The following DDX51 variants were observed in gnomAD, a reference collection of about 807,000 sequenced individuals.
DDX51 encodes DEAD-box helicase 51, also known as ATP-dependent RNA helicase DDX51.
A neutral mutation model predicts 74.6 loss-of-function variants in DDX51; 67 were observed. The observed-to-expected ratio is 0.90, with a 90% CI of 0.74 to 1.10. The LOEUF is 1.10. DDX51 is among the 50% of genes least tolerant of loss of function. The pLI is 0.00. For missense variants in DDX51, 1,056 were observed against 905.2 expected, an observed-to-expected ratio of 1.17 and a Z score of -2.14; for synonymous variants, 545 against 402.9, an observed-to-expected ratio of 1.35 and a Z score of -4.22.
At position 132,142,413 on chromosome 12, in the gene DDX51, G is replaced by C; in HGVS notation, c.680C>G (p.Ala227Gly). 5 of 1,612,142 alleles carry C rather than the reference G, an allele frequency of 3.1e-6. No individual in the cohort carries two copies. Among genetic ancestry groups the C allele is most frequent in the Non-Finnish European group, 4.2e-6 (5 of 1,179,974 alleles). ...GCTCTCCAGGAGGGCAGGAATCACAGCTGCCTGGACTGGATGAGGAAAGGC... is the reference window on the plus strand; with the variant it reads ...GCTCTCCAGGAGGGCAGGAATCACACCTGCCTGGACTGGATGAGGAAAGGC... ...GISSYFPVQA[A>G]VIPALLESAA... Residue 227 changes from alanine to glycine, a missense_variant, in exon 4 of 15, where the codon GCT becomes GGT. Physicochemically the swap from Ala to Gly is moderately conservative, Grantham distance 60. Transcript: ENST00000397333.
At chr12:132,143,164 C>A (rs1444927500) in intron 2 of DDX51, 1 of 468,514 alleles carries the variant, frequency 2.1e-6, no homozygotes, top group African/African-American at 2.0e-5. Context: ...CCCAGCCACG[C>A]CGGCGTCCCT....
In DDX51 at chr12:132,137,680, C is replaced by T. The variant is rs1223241653; in HGVS notation, c.*1592G>A. On this transcript the variant is annotated 3_prime_UTR_variant, in exon 15 of 15. Coordinates refer to ENST00000397333, the MANE Select transcript of DDX51 (RefSeq NM_175066.4). Reference sequence around the variant, plus strand: ...CCGGGTGTGGCCGTGGCCTGCGTCTCCCTGGCGGTTAGTGATGTTGGCATC... The same window carrying T: ...CCGGGTGTGGCCGTGGCCTGCGTCTTCCTGGCGGTTAGTGATGTTGGCATC... 2 of 152,240 alleles carry T rather than the reference C, an allele frequency of 1.3e-5. No homozygotes were observed. Among genetic ancestry groups the T allele is most frequent in the Non-Finnish European group, 2.9e-5 (2 of 68,066 alleles). 9.4% of individuals were successfully genotyped at this position (152,240 alleles called of 1,614,324 possible). A position where few individuals can be genotyped will look rare whatever the true frequency, so the allele number is the denominator to read the frequency against.
At chr12:132,143,957 G>A in intron 1 of DDX51, 36 bp downstream of exon 1, 1 of 1,465,290 alleles carries the variant, frequency 6.8e-7, no homozygotes. Context: ...CGAGTCGCCG[G>A]CGCCCCAGAG....
At chr12:132,141,154 T>C in intron 8 of DDX51, 121 bp downstream of exon 8, 1 of 1,491,592 alleles carries the variant, frequency 6.7e-7, no homozygotes. Flanking sequence ...CACGTGACAG[T>C]ACGATGCGGT....
At chr12:132,142,544 G>A (rs1239660467) in intron 3 of DDX51, 122 bp from the exon 4 acceptor site, 5 of 1,486,286 alleles carry the variant, frequency 3.4e-6, no homozygotes, top group East Asian at 2.4e-5. Context: ...TCCCCAGAGG[G>A]ATGGCACCAA....
chr12:132,140,213 C>T lies in DDX51; in HGVS notation c.1674-14G>A. Reference sequence around the variant, plus strand: ...GTGCTGATGAGCCTGCCGGGACACGCAGCATTGTGGGCCCGACGTGCCAGG... The same window carrying T: ...GTGCTGATGAGCCTGCCGGGACACGTAGCATTGTGGGCCCGACGTGCCAGG... On this transcript the variant is annotated splice_polypyrimidine_tract_variant and intron_variant, in intron 11 of 14. Transcript: ENST00000397333. The T allele has an allele frequency of 6.2e-7, 1 of 1,609,524 alleles. No individual in the cohort carries two copies. The highest frequency in any genetic ancestry group is 2.2e-5 in the East Asian group (1 of 44,802).
rs372582412 is a variant in DDX51, at chr12:132,139,194, G to A, written c.*78C>T. On this transcript the variant is annotated 3_prime_UTR_variant, in exon 15 of 15. Transcript: ENST00000397333. ...GGGGGATTCCTTTCCTCACATACAG[G>A]ATCCAGTGATCAGCACTGCTCTGGA... The A allele has an allele frequency of 2.6e-6, 4 of 1,547,084 alleles. No homozygotes were observed. Among genetic ancestry groups the A allele is most frequent in the Non-Finnish European group, 2.6e-6 (3 of 1,142,890 alleles).
chr12:132,143,587 G>A (rs1897567471), intron 2 of DDX51, 108 bp downstream of exon 2: 1 of 1,410,682 alleles, frequency 7.1e-7, no homozygotes, highest in African/African-American at 1.5e-5. Context: ...GCGCGGCTGT[G>A]ACCCGGGAAC....
rs1240310566 is a variant in DDX51, at chr12:132,138,989, C to A, written c.*283G>T. 4.2e-6 allele frequency: 2 copies of A among 476,118 alleles called. No individual in the cohort carries two copies. Among genetic ancestry groups the A allele is most frequent in the Non-Finnish European group, 7.5e-6 (2 of 267,782 alleles). The allele number at this position is 476,118 out of a possible 1,614,324, so 29.5% of individuals were successfully genotyped here. A position where few individuals can be genotyped will look rare whatever the true frequency, so the allele number is the denominator to read the frequency against. ...TCAGCAAAAGCATGACGGGTGCCCG[C>A]GTCCGTCTGGGAGTACTTTTCACCG... On this transcript the variant is annotated 3_prime_UTR_variant, in exon 15 of 15. Transcript: ENST00000397333.
chr12:132,141,047 A>C (rs1593419963), intron 8 of DDX51, 27 bp from the exon 9 acceptor site: 1 of 1,569,238 alleles, frequency 6.4e-7, no homozygotes, highest in South Asian at 1.2e-5. Context: ...TGTTGCTGGC[A>C]CCCTACCAGT....
In DDX51 at chr12:132,138,561, G is replaced by A. The variant is rs189209149; in HGVS notation, c.*711C>T. 4.1e-5 allele frequency: 6 copies of A among 146,374 alleles called. No homozygotes were observed. The highest frequency in any genetic ancestry group is 1.5e-4 in the African/African-American group (6 of 39,616). The allele number at this position is 146,374 out of a possible 1,614,324, so 9.1% of individuals were successfully genotyped here. A position where few individuals can be genotyped will look rare whatever the true frequency, so the allele number is the denominator to read the frequency against. ...ATGATGGTCTCTATCTCCTGACCTT[G>A]TGATCCACCTGCCTCGGCCTCCCAA... On this transcript the variant is annotated 3_prime_UTR_variant, in exon 15 of 15. Transcript: ENST00000397333.
At chr12:132,141,131 G>A (rs577949030) in intron 8 of DDX51, 111 bp from the exon 9 acceptor site, 6 of 1,495,320 alleles carry the variant, frequency 4.0e-6, no homozygotes, top group African/African-American at 2.8e-5. Flanking sequence ...CCAGGAGCAA[G>A]GTGGGTCCAG....
rs186160435 is a variant in DDX51 at position 132,140,205 on chromosome 12, G to C, written c.1674-6C>G. 4.1e-5 allele frequency: 66 copies of C among 1,610,798 alleles called. No homozygotes were observed. The highest frequency in any genetic ancestry group is 3.7e-4 in the Admixed American group (22 of 59,870). On this transcript the variant is annotated splice_region_variant and splice_polypyrimidine_tract_variant and intron_variant, in intron 11 of 14. Coordinates refer to ENST00000397333, the MANE Select transcript of DDX51 (RefSeq NM_175066.4). ...TGGCGTCCGTGCTGATGAGCCTGCCGGGACACGCAGCATTGTGGGCCCGAC... is the reference window on the plus strand; with the variant it reads ...TGGCGTCCGTGCTGATGAGCCTGCCCGGACACGCAGCATTGTGGGCCCGAC...
chr12:132,142,739 G>C lies in DDX51; in HGVS notation c.659C>G (p.Ser220Cys). Residue 220 changes from serine to cysteine, a missense_variant, in exon 3 of 15, where the codon TCC becomes TGC. Coordinates refer to ENST00000397333, the MANE Select transcript of DDX51 (RefSeq NM_175066.4). ...QKQLRAHGIS[S>C]YFPVQAAVIP... Reference sequence around the variant, plus strand: ...CGGGGCTGGGGCACCTGGAAAGTAGGACGAGATGCCGTGTGCCCGCAGCTG... The same window carrying C: ...CGGGGCTGGGGCACCTGGAAAGTAGCACGAGATGCCGTGTGCCCGCAGCTG... 6.2e-7 allele frequency: 1 copy of C among 1,612,806 alleles called. No homozygotes were observed. Among genetic ancestry groups the C allele is most frequent in the South Asian group, 1.1e-5 (1 of 91,086 alleles).
At position 132,139,773 on chromosome 12, in the gene DDX51, G is replaced by C. The variant is rs73164954; in HGVS notation, c.1840-4C>G. 3.2e-3 allele frequency: 5,126 copies of C among 1,613,114 alleles called. 124 individuals are homozygous for C. In the African/African-American group the frequency reaches 0.059, roughly 19 times the overall value. ...GCATTCGGAGGAATCTCCTCTCCTGGAGAGAAGCTCATGGTGGAAGGGGGT... is the reference window on the plus strand; with the variant it reads ...GCATTCGGAGGAATCTCCTCTCCTGCAGAGAAGCTCATGGTGGAAGGGGGT... On this transcript the variant is annotated splice_region_variant and splice_polypyrimidine_tract_variant and intron_variant, in intron 13 of 14. Coordinates refer to ENST00000397333, the MANE Select transcript of DDX51 (RefSeq NM_175066.4).
At chr12:132,143,305 G>A (rs544767419) in intron 2 of DDX51, 1 of 410,670 alleles carries the variant, frequency 2.4e-6, no homozygotes, top group Non-Finnish European at 4.4e-6. Flanking sequence ...CAAACTTCTC[G>A]CTTTCTTCAC....
chr12:132,142,680 G>C (rs1304121359), intron 3 of DDX51, 48 bp downstream of exon 3: 2 of 1,602,738 alleles, frequency 1.2e-6, no homozygotes, highest in African/African-American at 2.7e-5. Context: ...CTTGTGTGTG[G>C]GTGCCCAGGG....
chr12:132,140,009 C>T, intron 12 of DDX51, 85 bp from the exon 13 acceptor site: 4 of 1,606,658 alleles, frequency 2.5e-6, no homozygotes, highest in East Asian at 4.5e-5. Flanking sequence ...ACACCAACCC[C>T]ACCCCACGCC....
rs369388129 is a variant in DDX51, at chr12:132,139,848, C to G, written c.1839+13G>C. 6.2e-7 allele frequency: 1 copy of G among 1,613,004 alleles called. No homozygotes were observed. Among genetic ancestry groups the G allele is most frequent in the Admixed American group, 1.7e-5 (1 of 60,004 alleles). The stretch of plus-strand genomic sequence containing the variant: ...ACCAACAGCAGAAACTCCCAAGACC[C>G]TCGCAGCCTCACCTGCACTTTCAGG... On this transcript the variant is annotated intron_variant, in intron 13 of 14. Coordinates refer to ENST00000397333, the MANE Select transcript of DDX51 (RefSeq NM_175066.4).
Sources: gnomAD v4.1 joint callset for allele counts on GRCh38, gnomAD v4.1.1 for gene constraint, MANE v1.5 for transcripts, NCBI Gene and HGNC (gene_info 2026-07-23, HGNC 2026-07-21) for gene names.